Variants in RSPH10B observed in about 807,000 individuals in gnomAD.
RSPH10B encodes radial spoke head 10 homolog B (Chlamydomonas).
Under a neutral mutation model 52.5 loss-of-function variants are expected in RSPH10B, and 7 were observed. The observed-to-expected ratio is 0.13, with a 90% confidence interval of 0.08 to 0.25. The LOEUF is 0.25. Ranked by LOEUF, RSPH10B falls within the 10% of genes least tolerant of loss-of-function variation. RSPH10B has a pLI of 1.00. For synonymous variants in RSPH10B, 28 were observed against 193.2 expected (o/e 0.14, Z 7.09); for missense variants, 89 against 542.5 (o/e 0.16, Z 8.30).
Position 5,949,897 on chromosome 7 carries a change from T to C in RSPH10B, c.1224+1398A>G, listed in dbSNP as rs1365014023. 1.2e-4 allele frequency among the ~76,000 whole-genome samples: 2 copies of C among 16,202 alleles called. 1 individual carries two copies. The highest frequency in any genetic ancestry group is 1.8e-4 in the Non-Finnish European group (2 of 11,278). 10.6% of individuals were successfully genotyped at this position (16,202 alleles called of 152,430 possible). On this transcript the variant is annotated intron_variant, in intron 9 of 18. Transcript: ENST00000337579. The stretch of plus-strand genomic sequence containing the variant: ...TACTCAGGAAGCTGAGGCGGGAGGA[T>C]TGCTTAAGCCCAGAAGGTCAAGACT...
chr7:5,927,096 G>GTGTGTA (rs1458352331), intron 18 of RSPH10B, among the ~76,000 whole-genome samples: 4 of 140,046 alleles, frequency 2.9e-5, no homozygotes, highest in Non-Finnish European at 6.3e-5. Context: ...GTGTGTGTGT[G>GTGTGTA]TATTTTTTTT....
At chr7:5,958,585 T>C (rs1467107197) in intron 5 of RSPH10B, among the ~76,000 whole-genome samples, 3 of 127,406 alleles carry the variant, frequency 2.4e-5, no homozygotes, top group Non-Finnish European at 3.4e-5. Context: ...TGAGTCACTT[T>C]ATTAAATCTT....
chr7:5,942,358 C>G (rs1425812460), intron 13 of RSPH10B, among the ~76,000 whole-genome samples: 1 of 132,348 alleles, frequency 7.6e-6, no homozygotes. Flanking sequence ...TCCCGAGTAG[C>G]TGGGACTACA....
At chr7:5,944,530 C>T (rs572519566) in intron 11 of RSPH10B, among the ~76,000 whole-genome samples, 79 of 148,852 alleles carry the variant, frequency 5.3e-4, no homozygotes, top group South Asian at 1.9e-3. Context: ...TTAGAAACCC[C>T]GAGAGATATT....
chr7:5,964,513 A>G (rs1781037866), exon 3 of RSPH10B: 2 of 614,540 alleles, frequency 3.3e-6, no homozygotes, highest in East Asian at 2.8e-5. Context: ...TCATATTTTA[A>G]TCCATCGGCC....
At chr7:5,941,933 C>T (rs1286216375) in intron 13 of RSPH10B, among the ~76,000 whole-genome samples, 1 of 149,104 alleles carries the variant, frequency 6.7e-6, no homozygotes, top group Admixed American at 6.8e-5. Flanking sequence ...GCTCTTGTTG[C>T]CTAGACTGGA....
upstream of RSPH10B, among the ~76,000 whole-genome samples, chr7:5,968,600 G>T (rs1273980375): frequency 1.4e-5 from 1 of 69,052 alleles, no homozygotes; most frequent in African/African-American, 4.6e-5. Context: ...TCCACCTCCC[G>T]GGTTCATGCC....
rs1176474330 is a variant in RSPH10B at position 5,927,007 on chromosome 7, G to A, written c.2433-459C>T. On this transcript the variant is annotated intron_variant, in intron 18 of 18. Coordinates refer to ENST00000337579, the Ensembl canonical transcript of RSPH10B. Reference sequence around the variant, plus strand: ...TGACCTCAGGTGATCCACCCACCTCGGCCTCCCAAAGTTACGTGTGTGTGT... The same window carrying A: ...TGACCTCAGGTGATCCACCCACCTCAGCCTCCCAAAGTTACGTGTGTGTGT... Among the ~76,000 whole-genome samples the A allele has an allele frequency of 1.2e-4, 18 of 149,232 alleles. No individual in the cohort carries two copies. In the South Asian group the frequency reaches 1.7e-3, roughly 14 times the overall value.
intron 13 of RSPH10B, among the ~76,000 whole-genome samples, chr7:5,941,452 A>T (rs1780180455): frequency 6.8e-6 from 1 of 146,902 alleles, no homozygotes; most frequent in East Asian, 2.0e-4. Context: ...AATTAAAAGT[A>T]CCATGGAACA....
At chr7:5,945,436 G>T (rs1780439968) in intron 10 of RSPH10B, among the ~76,000 whole-genome samples, 1 of 149,752 alleles carries the variant, frequency 6.7e-6, no homozygotes, top group Admixed American at 6.8e-5. Context: ...TGGGCAACAT[G>T]GCGAAACCCT....
intron 4 of RSPH10B, among the ~76,000 whole-genome samples, chr7:5,960,434 A>G (rs147838625): frequency 0.35 from 20,723 of 60,008 alleles, 5,647 homozygotes; most frequent in Middle Eastern, 0.51. Context: ...AAATTAATAA[A>G]ATGGTTAATT....
At chr7:5,961,305 T>C (rs1780933139) in intron 3 of RSPH10B, among the ~76,000 whole-genome samples, 1 of 144,628 alleles carries the variant, frequency 6.9e-6, no homozygotes, top group Non-Finnish European at 1.5e-5. Context: ...CTGGGCAACC[T>C]AGGAAGACCC....
intron 13 of RSPH10B, among the ~76,000 whole-genome samples, chr7:5,941,803 ATGT>A (rs1002372639): frequency 2.8e-5 from 4 of 143,218 alleles, no homozygotes; most frequent in Non-Finnish European, 4.7e-5. Context: ...CATTGTATAA[ATGT>A]TGTCACTATT....
At chr7:5,941,062 G>T in intron 13 of RSPH10B, among the ~76,000 whole-genome samples, 1 of 64,442 alleles carries the variant, frequency 1.6e-5, no homozygotes. Context: ...AGCACTTCAG[G>T]AGGCCGAGGC....
At chr7:5,956,566 T>C (rs937272770) in intron 6 of RSPH10B, among the ~76,000 whole-genome samples, 2 of 121,990 alleles carry the variant, frequency 1.6e-5, no homozygotes, top group Non-Finnish European at 3.6e-5. Flanking sequence ...GGGGTTTATT[T>C]GCTTTTATAT....
chr7:5,939,637 CGT>C (rs1780087264), intron 13 of RSPH10B, among the ~76,000 whole-genome samples: 1 of 68,402 alleles, frequency 1.5e-5, no homozygotes, highest in Non-Finnish European at 2.8e-5. Context: ...CACACACACA[CGT>C]ATTTACCTCT....
chr7:5,943,532 T>C, intron 12 of RSPH10B, 60 bp from the exon 15 acceptor site: 1 of 1,607,326 alleles, frequency 6.2e-7, no homozygotes, highest in Non-Finnish European at 8.5e-7. Flanking sequence ...AAAATAGCAG[T>C]AAATATAATC....
rs370487890 is a variant in RSPH10B, at chr7:5,943,358, G to A, written c.1724C>T (p.Thr575Met). Residue 575 changes from threonine to methionine, a missense_variant, in exon 13 of 19, where the codon ACG (threonine) becomes ATG (methionine). Transcript: ENST00000337579. ...CCAGAGGAAGTGTCTCATCTTCATC[G>A]TAGGCTCGTGGGGAGGCGCTGCACT... The A allele has an allele frequency of 1.4e-4, 222 of 1,590,458 alleles. 1 individual carries two copies. The highest frequency in any genetic ancestry group is 4.8e-4 in the African/African-American group (35 of 72,852).
chr7:5,926,890 G>T (rs1779453778), intron 18 of RSPH10B, among the ~76,000 whole-genome samples: 1 of 142,168 alleles, frequency 7.0e-6, no homozygotes, highest in African/African-American at 2.6e-5. Flanking sequence ...GAATAGCTGG[G>T]ATTATAGGCT....
Sources: allele counts gnomAD v4.1 joint callset (sites outside exome capture counted in the v4.1 genomes callset), GRCh38; gene constraint gnomAD v4.1.1; transcripts MANE v1.5; gene names NCBI Gene and HGNC (gene_info 2026-07-23, HGNC 2026-07-21).